The following PTPRD variants were observed in gnomAD, a reference collection of about 807,000 sequenced individuals.
PTPRD encodes receptor-type tyrosine-protein phosphatase delta.
Under a neutral mutation model 214.5 loss-of-function variants are expected in PTPRD, and 34 were observed. The observed-to-expected ratio is 0.16, with a 90% CI of 0.12 to 0.21. PTPRD has a LOEUF of 0.21. PTPRD is among the 10% of genes least tolerant of loss of function. The pLI, the probability that PTPRD is intolerant of heterozygous loss-of-function variation, is 1.00. For synonymous variants in PTPRD, 1,128 were observed against 845.7 expected (o/e 1.33, Z -5.79); for missense variants, 2,545 against 2,398.7 (o/e 1.06, Z -1.27).
chr9:9,372,402 T>G (rs1227378260), intron 9 of PTPRD, among the ~76,000 whole-genome samples: 1 of 152,158 alleles, frequency 6.6e-6, no homozygotes, highest in Non-Finnish European at 1.5e-5. Flanking sequence ...TTTGTTGGTT[T>G]AAAGTCTGTT....
At chr9:10,030,081 C>G (rs1318239024) in intron 4 of PTPRD, among the ~76,000 whole-genome samples, 1 of 152,158 alleles carries the variant, frequency 6.6e-6, no homozygotes, top group Non-Finnish European at 1.5e-5. Context: ...GTGCCTTTCA[C>G]CTTCCGCCAT....
chr9:10,144,150 T>C lies in PTPRD; in HGVS notation c.-544-110360A>G, dbSNP rs891512022. On this transcript the variant is annotated intron_variant, in intron 3 of 45. Transcript: ENST00000381196. Reference sequence around the variant, plus strand: ...ATAGAGAATAAATGAATGTATTATATTGTCAACATTTTCACAAATTATCTT... The same window carrying C: ...ATAGAGAATAAATGAATGTATTATACTGTCAACATTTTCACAAATTATCTT... Among the ~76,000 whole-genome samples, 24 of 152,264 alleles carry C rather than the reference T, an allele frequency of 1.6e-4. 1 individual carries two copies. The highest frequency in any genetic ancestry group is 3.4e-3 in the Middle Eastern group (1 of 294).
intron 3 of PTPRD, among the ~76,000 whole-genome samples, chr9:10,166,126 C>T (rs1592926339): frequency 6.7e-6 from 1 of 149,070 alleles, no homozygotes; most frequent in Non-Finnish European, 1.5e-5. Context: ...TATATACATA[C>T]ATAAACCTAT....
At chr9:8,749,856 C>G (rs1020211581) in intron 11 of PTPRD, among the ~76,000 whole-genome samples, 1 of 152,110 alleles carries the variant, frequency 6.6e-6, no homozygotes, top group Non-Finnish European at 1.5e-5. Flanking sequence ...AATCACAACA[C>G]TTTGGGAGGC....
intron 14 of PTPRD, among the ~76,000 whole-genome samples, chr9:8,545,728 G>T (rs975731132): frequency 2.0e-5 from 3 of 152,172 alleles, no homozygotes; most frequent in African/African-American, 7.2e-5. Context: ...ACCATTGAAA[G>T]TTCAAATGGT....
intron 9 of PTPRD, among the ~76,000 whole-genome samples, chr9:9,184,949 A>G (rs370344710): frequency 1.6e-4 from 25 of 152,104 alleles, no homozygotes; most frequent in African/African-American, 6.0e-4. Flanking sequence ...CCTAAAGGTA[A>G]AATTTGATTT....
At chr9:9,779,537 A>G (rs1362955690) in intron 5 of PTPRD, among the ~76,000 whole-genome samples, 5 of 152,202 alleles carry the variant, frequency 3.3e-5, no homozygotes, top group Non-Finnish European at 7.4e-5. Context: ...ATTTAAAAAA[A>G]TGGACAAAAT....
At chr9:9,012,770 C>G (rs1238385609) in intron 11 of PTPRD, among the ~76,000 whole-genome samples, 1 of 152,056 alleles carries the variant, frequency 6.6e-6, no homozygotes, top group African/African-American at 2.4e-5. Context: ...CTATTTTCTG[C>G]CATATGAGGG....
intron 8 of PTPRD, among the ~76,000 whole-genome samples, chr9:9,527,775 A>T (rs1369277203): frequency 6.6e-6 from 1 of 152,162 alleles, no homozygotes; most frequent in Non-Finnish European, 1.5e-5. Flanking sequence ...ATTTTATATA[A>T]AATATGTCTC....
intron 9 of PTPRD, among the ~76,000 whole-genome samples, chr9:9,292,578 G>A (rs1432813201): frequency 6.6e-6 from 1 of 151,302 alleles, no homozygotes; most frequent in Admixed American, 6.6e-5. Flanking sequence ...TGGTGAATTT[G>A]TCTCAATTAA....
At chr9:8,814,990 T>G (rs895746501) in intron 11 of PTPRD, among the ~76,000 whole-genome samples, 2 of 152,218 alleles carry the variant, frequency 1.3e-5, no homozygotes, top group African/African-American at 4.8e-5. Flanking sequence ...TCTTATTCAA[T>G]AAATGCTGTT....
intron 3 of PTPRD, among the ~76,000 whole-genome samples, chr9:10,238,041 T>TAA (rs34654151): frequency 1.8e-4 from 27 of 151,394 alleles, no homozygotes; most frequent in East Asian, 5.9e-4. Flanking sequence ...CTTTTTTTTT[T>TAA]AAAAATCCTT....
At chr9:9,992,962 AT>A (rs1382048340) in intron 4 of PTPRD, among the ~76,000 whole-genome samples, 5 of 138,944 alleles carry the variant, frequency 3.6e-5, no homozygotes, top group Non-Finnish European at 7.8e-5. Flanking sequence ...TAATAAAAAA[AT>A]AAAATAAAAT....
At chr9:10,505,602 C>G (rs180756156) in intron 2 of PTPRD, among the ~76,000 whole-genome samples, 28 of 152,090 alleles carry the variant, frequency 1.8e-4, no homozygotes, top group African/African-American at 6.5e-4. Flanking sequence ...CTCCTGTAGT[C>G]ACCAGGCATA....
intron 5 of PTPRD, among the ~76,000 whole-genome samples, chr9:9,873,928 A>T (rs2066148090): frequency 6.6e-6 from 1 of 152,160 alleles, no homozygotes; most frequent in Non-Finnish European, 1.5e-5. Context: ...GCTGACGTGT[A>T]TTGAAGTAGT....
rs1324971492 is a variant in PTPRD at position 10,540,453 on chromosome 9, T to G, written c.-600+71945A>C. ...CTTTCTGAATCTTGTATGAGGAAGA[T>G]TTAAAGAAATCAAACCACTAAATTA... is the stretch of plus-strand genomic sequence containing the variant. On this transcript the variant is annotated intron_variant, in intron 2 of 45. Transcript: ENST00000381196. Among the ~76,000 whole-genome samples the G allele has an allele frequency of 2.6e-5, 4 of 152,334 alleles. No homozygotes were observed. In the East Asian group the frequency reaches 7.7e-4, roughly 29 times the overall value.
At chr9:10,410,685 T>C (rs534682202) in intron 2 of PTPRD, among the ~76,000 whole-genome samples, 64 of 151,898 alleles carry the variant, frequency 4.2e-4, no homozygotes, top group African/African-American at 1.4e-3. Flanking sequence ...AATAATAACA[T>C]TGATTCAGAC....
intron 5 of PTPRD, among the ~76,000 whole-genome samples, chr9:9,853,420 G>T (rs988130643): frequency 2.0e-5 from 3 of 152,182 alleles, no homozygotes; most frequent in African/African-American, 7.2e-5. Context: ...AACAGGCAAT[G>T]GACCTGATTT....
intron 11 of PTPRD, among the ~76,000 whole-genome samples, chr9:8,884,428 G>A (rs1023498932): frequency 6.6e-6 from 1 of 152,214 alleles, no homozygotes; most frequent in Non-Finnish European, 1.5e-5. Context: ...CCAGAAGGTA[G>A]AATAAGGTGA....
Sources: allele counts gnomAD v4.1 joint callset (sites outside exome capture counted in the v4.1 genomes callset), GRCh38; gene constraint gnomAD v4.1.1; transcripts MANE v1.5; gene names NCBI Gene and HGNC (gene_info 2026-07-23, HGNC 2026-07-21).